The following SCLT1 variants were observed in gnomAD, a reference collection of about 807,000 sequenced individuals.
The protein encoded by SCLT1 is sodium channel and clathrin linker 1, also known as sodium channel-associated protein 1.
SCLT1 carries 78 observed loss-of-function variants against 112.8 expected under a neutral mutation model. The ratio of observed to expected loss-of-function variants is 0.69; its 90% CI spans 0.58 to 0.83. SCLT1 has a LOEUF of 0.83. SCLT1 is among the 40% of genes least tolerant of loss of function. The pLI is 0.00. For missense variants in SCLT1, 747 were observed against 770.4 expected (o/e 0.97, Z 0.36); for synonymous variants, 257 against 254.7 (o/e 1.01, Z -0.09).
intron 3 of SCLT1, among the ~76,000 whole-genome samples, chr4:128,877,205 G>A (rs1732542550): frequency 6.6e-6 from 1 of 152,166 alleles, no homozygotes; most frequent in South Asian, 2.1e-4. Context: ...TATGTATTAT[G>A]TTAATTAGTT....
chr4:128,892,466 T>C (rs1272922849), intron 18 of SCLT1, among the ~76,000 whole-genome samples: 2 of 152,214 alleles, frequency 1.3e-5, no homozygotes, highest in Admixed American at 1.3e-4. Flanking sequence ...ACCTTACTTG[T>C]GCTTCTTAAA....
At chr4:129,048,981 C>T (rs551452308) in intron 2 of SCLT1, among the ~76,000 whole-genome samples, 1 of 151,710 alleles carries the variant, frequency 6.6e-6, no homozygotes, top group African/African-American at 2.4e-5. Flanking sequence ...CAGGAAACAA[C>T]AGGTGCTGGA....
chr4:128,957,115 C>T lies in SCLT1; in HGVS notation c.1057G>A (p.Glu353Lys), dbSNP rs766007005. The change falls in exon 13 of 21, where the codon GAG becomes AAG. Residue 353 changes from glutamate (E) to lysine (K), a missense_variant. Glu to Lys is a moderately conservative substitution (Grantham distance 56). Around this residue, in one of 2 missense-constraint regions of SCLT1, gnomAD observed 723 missense variants for 721.3 expected, o/e 1.00. Transcript: ENST00000281142. ...ANLQKSQALL[E>K]EKQKEEDIEK... ...ATGTCTTCTTCTTTTTGCTTCTCCT[C>T]AAGTAGAGCCTTCAGAAAATAATCA... 1.3e-5 allele frequency: 21 copies of T among 1,558,624 alleles called. No individual in the cohort carries two copies. The highest frequency in any genetic ancestry group is 1.8e-5 in the Non-Finnish European group (21 of 1,142,326).
chr4:128,879,940 G>GA (rs928282244), downstream of SCLT1, among the ~76,000 whole-genome samples: 98 of 152,244 alleles, frequency 6.4e-4, no homozygotes, highest in Middle Eastern at 3.4e-3. Flanking sequence ...GCCATAGAAT[G>GA]AAAACATTGA....
chr4:128,901,531 G>C (rs1050275502), intron 18 of SCLT1, among the ~76,000 whole-genome samples: 7 of 11,234 alleles, frequency 6.2e-4, no homozygotes, highest in Middle Eastern at 0.038. Context: ...TGGGGTGGTG[G>C]GGGGGGGGAG....
intron 3 of SCLT1, among the ~76,000 whole-genome samples, chr4:128,878,166 T>C (rs1008039940): frequency 5.9e-5 from 9 of 152,136 alleles, no homozygotes; most frequent in African/African-American, 1.9e-4. Flanking sequence ...GTATAATAAA[T>C]CCAGTTATTT....
intron 5 of SCLT1, among the ~76,000 whole-genome samples, chr4:129,028,515 C>T (rs1454154471): frequency 6.6e-6 from 1 of 152,124 alleles, no homozygotes; most frequent in Non-Finnish European, 1.5e-5. Flanking sequence ...ACACCTTATA[C>T]AAAAATTAAC....
At chr4:128,957,545 C>A (rs1426271352) in intron 12 of SCLT1, among the ~76,000 whole-genome samples, 2 of 152,070 alleles carry the variant, frequency 1.3e-5, no homozygotes, top group Admixed American at 1.3e-4. Context: ...TTGATCATTG[C>A]AGACACTACT....
At chr4:129,024,026 A>C (rs1170129855) in intron 5 of SCLT1, among the ~76,000 whole-genome samples, 2 of 152,194 alleles carry the variant, frequency 1.3e-5, no homozygotes, top group African/African-American at 4.8e-5. Context: ...TAGGTAAACA[A>C]AGCAGCCGGG....
intron 5 of SCLT1, among the ~76,000 whole-genome samples, chr4:129,009,746 C>A (rs1273837693): frequency 6.6e-6 from 1 of 152,094 alleles, no homozygotes; most frequent in Non-Finnish European, 1.5e-5. Flanking sequence ...TTATTGGCCA[C>A]ATGTATGTCT....
chr4:129,026,272 T>G (rs1409235785), intron 5 of SCLT1, among the ~76,000 whole-genome samples: 1 of 152,136 alleles, frequency 6.6e-6, no homozygotes, highest in Non-Finnish European at 1.5e-5. Flanking sequence ...ACACCACACC[T>G]ATTCCAAAAT....
intron 18 of SCLT1, among the ~76,000 whole-genome samples, chr4:128,926,520 G>A (rs955939125): frequency 9.2e-5 from 14 of 152,076 alleles, no homozygotes; most frequent in African/African-American, 3.4e-4. Flanking sequence ...AGCAGCAGTT[G>A]AGAATTCACC....
At position 128,989,830 on chromosome 4, in the gene SCLT1, C is replaced by A. The variant is rs901583966; in HGVS notation, c.686+2337G>T. ...AGAAACTATTATGAGCAACTATATGCCAATAAATTAGAAAATCTAGAAGAA... is the reference window on the plus strand; with the variant it reads ...AGAAACTATTATGAGCAACTATATGACAATAAATTAGAAAATCTAGAAGAA... On this transcript the variant is annotated intron_variant, in intron 9 of 20. Coordinates refer to ENST00000281142, the MANE Select transcript of SCLT1 (RefSeq NM_144643.4). Among the ~76,000 whole-genome samples the A allele has an allele frequency of 2.6e-5, 4 of 151,402 alleles. No homozygotes were observed. The East Asian group carries it at 7.7e-4, about 29-fold the overall frequency.
intron 18 of SCLT1, among the ~76,000 whole-genome samples, chr4:128,918,217 C>G (rs1247942969): frequency 6.6e-6 from 1 of 152,026 alleles, no homozygotes; most frequent in East Asian, 1.9e-4. Flanking sequence ...TGCTTAGGAA[C>G]CAAAAGAAAC....
rs536308920 is a variant in SCLT1, at chr4:128,996,284, G to C, written c.615+1590C>G. Among the ~76,000 whole-genome samples, 9 of 152,194 alleles carry C rather than the reference G, an allele frequency of 5.9e-5. No homozygotes were observed. The South Asian group carries it at 1.2e-3, about 21-fold the overall frequency. On this transcript the variant is annotated intron_variant, in intron 8 of 20. Transcript: ENST00000281142. ...GTCCATGAATTGTTGCTGAATTGGT[G>C]TATCTGTGGGGAGAAGGAGTGTCCA...
At chr4:128,918,129 A>C (rs1378110255) in intron 18 of SCLT1, among the ~76,000 whole-genome samples, 1 of 152,218 alleles carries the variant, frequency 6.6e-6, no homozygotes, top group Non-Finnish European at 1.5e-5. Flanking sequence ...AGGCAAAGGC[A>C]AAGATTCTCT....
In SCLT1 at chr4:129,034,359, ATAAG is replaced by A. The variant is rs532462205; in HGVS notation, c.290+4678_290+4681del. 2.0e-3 allele frequency among the ~76,000 whole-genome samples: 298 copies of A among 152,130 alleles called. 1 individual carries two copies. Among genetic ancestry groups the A allele is most frequent in the African/African-American group, 6.9e-3 (288 of 41,510 alleles). On this transcript the variant is annotated intron_variant, in intron 5 of 20. Transcript: ENST00000281142. ...AAATTATGAAAGCACATCAATAAAA[ATAAG>A]TGTTTAAAATAATTCCATTGTATAA...
chr4:128,911,947 A>C (rs1735129213), intron 18 of SCLT1, among the ~76,000 whole-genome samples: 1 of 152,236 alleles, frequency 6.6e-6, no homozygotes. Flanking sequence ...GAATGCTAGC[A>C]CTTTTTAAAA....
intron 15 of SCLT1, 86 bp downstream of exon 15, chr4:128,948,410 C>A: frequency 1.5e-6 from 2 of 1,371,696 alleles, no homozygotes; most frequent in Middle Eastern, 2.1e-4. Flanking sequence ...AAAGGAATTG[C>A]TAGTAGATGG....
Sources: gnomAD v4.1 joint callset for allele counts (sites outside exome capture counted in the v4.1 genomes callset) on GRCh38, gnomAD v4.1.1 for gene constraint, gnomAD v4.1.1 regional missense constraint, MANE v1.5 for transcripts, NCBI Gene and HGNC (gene_info 2026-07-23, HGNC 2026-07-21) for gene names.